KCTD16: variants seen among roughly 807,000 people sequenced by gnomAD.
The protein encoded by KCTD16 is potassium channel tetramerization domain containing 16.
A neutral mutation model predicts 33.2 loss-of-function variants in KCTD16; 13 were observed. The ratio of observed to expected loss-of-function variants is 0.39; its 90% confidence interval spans 0.25 to 0.62. The LOEUF is 0.62. Ranked by LOEUF, KCTD16 falls within the 20% of genes least tolerant of loss-of-function variation. KCTD16 has a pLI of 0.50. For missense variants in KCTD16, 441 were observed against 525.1 expected, an observed-to-expected ratio of 0.84 and a Z score of 1.57; for synonymous variants, 197 against 195.3, an observed-to-expected ratio of 1.01 and a Z score of -0.07.
At chr5:144,199,397 A>G (rs1229657550) in intron 2 of KCTD16, among the ~76,000 whole-genome samples, 3 of 152,194 alleles carry the variant, frequency 2.0e-5, no homozygotes, top group African/African-American at 7.2e-5. Flanking sequence ...AGGGAATAAC[A>G]CGACATGGAT....
At chr5:144,418,032 G>C (rs1024962633) in intron 3 of KCTD16, among the ~76,000 whole-genome samples, 1 of 152,120 alleles carries the variant, frequency 6.6e-6, no homozygotes, top group Non-Finnish European at 1.5e-5. Flanking sequence ...GCTGACTTCA[G>C]GTGTGAAGCC....
intron 3 of KCTD16, among the ~76,000 whole-genome samples, chr5:144,426,744 A>G (rs1266253803): frequency 6.6e-6 from 1 of 152,156 alleles, no homozygotes; most frequent in East Asian, 1.9e-4. Context: ...AAGCAAGTGC[A>G]TGAGAAAAAG....
At chr5:144,187,932 A>G (rs1752761902) in intron 2 of KCTD16, among the ~76,000 whole-genome samples, 1 of 152,208 alleles carries the variant, frequency 6.6e-6, no homozygotes, top group African/African-American at 2.4e-5. Context: ...TTGCTTCAGT[A>G]ACCACGTCTC....
chr5:144,327,233 G>T (rs962802606), intron 3 of KCTD16, among the ~76,000 whole-genome samples: 9 of 152,012 alleles, frequency 5.9e-5, no homozygotes, highest in African/African-American at 1.9e-4. Context: ...GTGATCTATG[G>T]AATTTGGATA....
chr5:144,289,797 A>T (rs1755845014), intron 3 of KCTD16, among the ~76,000 whole-genome samples: 1 of 152,170 alleles, frequency 6.6e-6, no homozygotes, highest in Admixed American at 6.5e-5. Flanking sequence ...ACATTAAGGT[A>T]TCTTTAATAC....
At chr5:144,263,570 T>A (rs902923432) in intron 3 of KCTD16, among the ~76,000 whole-genome samples, 1 of 152,202 alleles carries the variant, frequency 6.6e-6, no homozygotes, top group Non-Finnish European at 1.5e-5. Context: ...CAGGTAGAAT[T>A]GGGATATAAA....
At chr5:144,233,464 G>A (rs1754164050) in intron 3 of KCTD16, among the ~76,000 whole-genome samples, 2 of 151,914 alleles carry the variant, frequency 1.3e-5, no homozygotes, top group African/African-American at 4.8e-5. Context: ...TCCTATGCCT[G>A]GAAAAAAGAA....
chr5:144,417,693 T>C (rs555304575), intron 3 of KCTD16, among the ~76,000 whole-genome samples: 2 of 152,310 alleles, frequency 1.3e-5, no homozygotes, highest in South Asian at 4.1e-4. Context: ...TCATGGAGAT[T>C]TAGTTCTATG....
intron 3 of KCTD16, among the ~76,000 whole-genome samples, chr5:144,296,506 A>G (rs1431982364): frequency 6.6e-6 from 1 of 152,184 alleles, no homozygotes; most frequent in Non-Finnish European, 1.5e-5. Flanking sequence ...GAAAAGTAAG[A>G]ATGTTCTATA....
chr5:144,456,676 A>G (rs146816815), intron 3 of KCTD16, among the ~76,000 whole-genome samples: 2 of 151,712 alleles, frequency 1.3e-5, no homozygotes, highest in African/African-American at 4.8e-5. Flanking sequence ...TGTATTTTTG[A>G]CTGATAAATT....
chr5:144,472,264 C>A (rs1016196938), intron 3 of KCTD16, among the ~76,000 whole-genome samples: 1 of 152,146 alleles, frequency 6.6e-6, no homozygotes, highest in African/African-American at 2.4e-5. Flanking sequence ...AAGTGCCCAG[C>A]ATGTAATACA....
chr5:144,461,784 A>G (rs1266356207), intron 3 of KCTD16, among the ~76,000 whole-genome samples: 1 of 152,190 alleles, frequency 6.6e-6, no homozygotes, highest in Non-Finnish European at 1.5e-5. Context: ...AACTCCCCAA[A>G]GGCAGTATGT....
intron 3 of KCTD16, among the ~76,000 whole-genome samples, chr5:144,259,468 C>A (rs9324945): frequency 6.6e-6 from 1 of 151,930 alleles, no homozygotes; most frequent in East Asian, 1.9e-4. Flanking sequence ...AAAACAATTA[C>A]AGAACCAGTA....
intron 3 of KCTD16, among the ~76,000 whole-genome samples, chr5:144,297,546 A>G (rs998489933): frequency 6.6e-6 from 1 of 152,200 alleles, no homozygotes; most frequent in East Asian, 1.9e-4. Flanking sequence ...TTTAATATGG[A>G]GTAAAACACT....
chr5:144,402,802 C>A (rs1237552982), intron 3 of KCTD16, among the ~76,000 whole-genome samples: 1 of 152,098 alleles, frequency 6.6e-6, no homozygotes, highest in Non-Finnish European at 1.5e-5. Context: ...TTAAAATTAC[C>A]TAGTGCATTC....
intron 3 of KCTD16, among the ~76,000 whole-genome samples, chr5:144,389,047 G>A (rs1383751704): frequency 1.3e-5 from 2 of 152,186 alleles, no homozygotes; most frequent in Non-Finnish European, 2.9e-5. Flanking sequence ...GGCTTCATCT[G>A]AGGGTAGCAT....
At chr5:144,282,365 T>A (rs1186692220) in intron 3 of KCTD16, among the ~76,000 whole-genome samples, 1 of 131,368 alleles carries the variant, frequency 7.6e-6, no homozygotes, top group Non-Finnish European at 1.5e-5. Flanking sequence ...GCCTTATCCA[T>A]TTTTTTTTTA....
At chr5:144,419,050 A>T (rs910829703) in intron 3 of KCTD16, among the ~76,000 whole-genome samples, 1 of 152,140 alleles carries the variant, frequency 6.6e-6, no homozygotes, top group African/African-American at 2.4e-5. Flanking sequence ...TCCTCATTGT[A>T]GTTGGAGGAG....
In KCTD16 at chr5:144,216,830, G is replaced by A. The variant is rs1271088038; in HGVS notation, c.832+9284G>A. On this transcript the variant is annotated intron_variant, in intron 3 of 3. Coordinates refer to ENST00000512467, the MANE Select transcript of KCTD16 (RefSeq NM_020768.4). ...CTGCACCCCAGCCTAGGCCACAGAG[G>A]GAGACTCTGTCTGGAAAAAAAAAAA... Among the ~76,000 whole-genome samples the A allele has an allele frequency of 2.0e-5, 3 of 150,036 alleles. No homozygotes were observed. The East Asian group carries it at 5.8e-4, about 29-fold the overall frequency.
Sources: gnomAD v4.1 joint callset for allele counts (sites outside exome capture counted in the v4.1 genomes callset) on GRCh38, gnomAD v4.1.1 for gene constraint, MANE v1.5 for transcripts, NCBI Gene and HGNC (gene_info 2026-07-23, HGNC 2026-07-21) for gene names.